CCDC33: variants seen among roughly 807,000 people sequenced by gnomAD.
The protein encoded by CCDC33 is coiled-coil domain-containing protein 33.
A neutral mutation model predicts 91.9 loss-of-function variants in CCDC33; 94 were observed. That is an observed-to-expected ratio of 1.02 (90% CI 0.87 to 1.21). The LOEUF (loss-of-function observed/expected upper bound fraction) is 1.21, where lower values mean the gene tolerates loss of function less well. CCDC33 is among the 50% of genes most tolerant of loss of function. The pLI is 0.00. For missense variants in CCDC33, 940 were observed against 935.5 expected, an observed-to-expected ratio of 1.00 and a Z score of -0.06; for synonymous variants, 396 against 374.5, an observed-to-expected ratio of 1.06 and a Z score of -0.66.
chr15:74,204,169 T>A (rs2074199131), intron 1 of CCDC33, among the ~76,000 whole-genome samples: 1 of 152,186 alleles, frequency 6.6e-6, no homozygotes, highest in Admixed American at 6.5e-5. Context: ...CGAGCTTTAT[T>A]TGATGTAATG....
intron 11 of CCDC33, among the ~76,000 whole-genome samples, chr15:74,322,553 G>A (rs1467967275): frequency 6.6e-6 from 1 of 152,220 alleles, no homozygotes; most frequent in African/African-American, 2.4e-5. Context: ...GCACCTCTCT[G>A]GTCCCAATAT....
intron 7 of CCDC33, 87 bp downstream of exon 7, chr15:74,272,978 C>T (rs1429712740): frequency 6.6e-7 from 1 of 1,524,394 alleles, no homozygotes; most frequent in Non-Finnish European, 9.0e-7. Context: ...TCAGCAGTTC[C>T]CTTGACTATC....
At chr15:74,232,704 C>T (rs1048060943), upstream of CCDC33, among the ~76,000 whole-genome samples, 1 of 152,206 alleles carries the variant, frequency 6.6e-6, no homozygotes, top group Non-Finnish European at 1.5e-5. Flanking sequence ...CTTTGGTTCC[C>T]GTCCTTATCC....
chr15:74,298,816 G>C (rs1431194015), intron 11 of CCDC33, among the ~76,000 whole-genome samples: 1 of 148,796 alleles, frequency 6.7e-6, no homozygotes, highest in Admixed American at 6.9e-5. Flanking sequence ...GGGTTCAAGC[G>C]ATTCTCCTTC....
At chr15:74,243,465 G>T (rs1390788975) in intron 1 of CCDC33, among the ~76,000 whole-genome samples, 1 of 152,234 alleles carries the variant, frequency 6.6e-6, no homozygotes, top group Admixed American at 6.5e-5. Flanking sequence ...GTCTCATCCT[G>T]CAGGAAGGGT....
At chr15:74,333,996 TG>T in intron 17 of CCDC33, 29 bp downstream of exon 17, 2 of 1,588,922 alleles carry the variant, frequency 1.3e-6, no homozygotes, top group Non-Finnish European at 1.7e-6. Flanking sequence ...TTGATGAGGC[TG>T]GATCAGGCTC....
intron 2 of CCDC33, among the ~76,000 whole-genome samples, chr15:74,259,910 T>C (rs886729606): frequency 6.6e-6 from 1 of 152,264 alleles, no homozygotes; most frequent in Non-Finnish European, 1.5e-5. Context: ...TGCAGTTTTG[T>C]GTCCAGCTCT....
intron 2 of CCDC33, among the ~76,000 whole-genome samples, chr15:74,223,723 T>TACACACACACACACACACACAC (rs55820464): frequency 4.5e-5 from 5 of 112,190 alleles, no homozygotes; most frequent in Admixed American, 1.7e-4. Context: ...ACCGCCAGCA[T>TACACACACACACACACACACAC]ACACACACAC....
chr15:74,239,796 C>G (rs1397556826), intron 1 of CCDC33, among the ~76,000 whole-genome samples: 3 of 150,994 alleles, frequency 2.0e-5, no homozygotes, highest in Non-Finnish European at 2.9e-5. Context: ...CTCACCACAC[C>G]CCTACAGATG....
intron 2 of CCDC33, among the ~76,000 whole-genome samples, chr15:74,224,265 C>T (rs1455555353): frequency 1.3e-5 from 2 of 152,044 alleles, no homozygotes; most frequent in African/African-American, 4.8e-5. Flanking sequence ...CTAAATACAT[C>T]GTGATCACCC....
chr15:74,245,447 T>G lies in CCDC33; in HGVS notation c.185+1299T>G, dbSNP rs536268545. ...GAAGCACAGGTGGTGGGAGCAGGCT[T>G]GGCAGGGAGGCTGGTTTCTAGCGGG... On this transcript the variant is annotated intron_variant, in intron 2 of 18. Coordinates refer to ENST00000398814, the MANE Select transcript of CCDC33 (RefSeq NM_025055.5). Among the ~76,000 whole-genome samples the G allele has an allele frequency of 5.9e-5, 9 of 152,340 alleles. 1 individual carries two copies. Among genetic ancestry groups the G allele is most frequent in the Middle Eastern group, 3.4e-3 (1 of 294 alleles).
At chr15:74,265,248 C>A (rs986094335) in intron 3 of CCDC33, among the ~76,000 whole-genome samples, 1 of 152,134 alleles carries the variant, frequency 6.6e-6, no homozygotes, top group Non-Finnish European at 1.5e-5. Flanking sequence ...GTGCTGAAAC[C>A]CCTTGTCTCA....
intron 18 of CCDC33, 133 bp from the exon 19 acceptor site, chr15:74,335,792 T>C (rs1202023419): frequency 6.9e-6 from 5 of 720,470 alleles, no homozygotes; most frequent in Non-Finnish European, 1.2e-5. Flanking sequence ...AAAATGGGTT[T>C]AGAAATCTTT....
chr15:74,283,944 C>A (rs1466417538), intron 10 of CCDC33, among the ~76,000 whole-genome samples: 1 of 152,222 alleles, frequency 6.6e-6, no homozygotes, highest in African/African-American at 2.4e-5. Flanking sequence ...CACGCTCTCA[C>A]ATACATGCAA....
intron 5 of CCDC33, among the ~76,000 whole-genome samples, chr15:74,271,165 G>A (rs2076304990): frequency 6.6e-6 from 1 of 152,108 alleles, no homozygotes; most frequent in Non-Finnish European, 1.5e-5. Context: ...CCTGGCTGTG[G>A]CCGCTGATCT....
intron 5 of CCDC33, 41 bp downstream of exon 5, chr15:74,268,499 G>GGGC: frequency 4.0e-6 from 5 of 1,236,362 alleles, no homozygotes; most frequent in East Asian, 2.8e-5. Context: ...GTGGGGGTGG[G>GGGC]AAAGGGCCAA....
At chr15:74,245,246 G>A (rs1233820966) in intron 2 of CCDC33, among the ~76,000 whole-genome samples, 1 of 152,212 alleles carries the variant, frequency 6.6e-6, no homozygotes, top group Non-Finnish European at 1.5e-5. Flanking sequence ...GCCAAGGAGT[G>A]ACTGAGGCCA....
intron 2 of CCDC33, among the ~76,000 whole-genome samples, chr15:74,253,060 C>G (rs1168265505): frequency 6.6e-6 from 1 of 152,194 alleles, no homozygotes; most frequent in Non-Finnish European, 1.5e-5. Context: ...CATTCAGACT[C>G]AAGAAGCATG....
chr15:74,264,945 C>T (rs1178332696), intron 3 of CCDC33, among the ~76,000 whole-genome samples: 6 of 152,168 alleles, frequency 3.9e-5, no homozygotes, highest in Admixed American at 3.3e-4. Flanking sequence ...CTTCATATCC[C>T]TTACCTCAAT....
Sources: allele counts gnomAD v4.1 joint callset (sites outside exome capture counted in the v4.1 genomes callset), GRCh38; gene constraint gnomAD v4.1.1; transcripts MANE v1.5; gene names NCBI Gene and HGNC (gene_info 2026-07-23, HGNC 2026-07-21).